ECE1: variants seen among roughly 807,000 people sequenced by gnomAD.
ECE1 encodes the protein endothelin-converting enzyme 1.
In ECE1, 35 loss-of-function variants were observed where a neutral mutation model predicts 98.6. That is an observed-to-expected ratio of 0.35 (90% confidence interval 0.27 to 0.47). The LOEUF is 0.47. Among genes scored for constraint, ECE1 ranks in the 20% least tolerant of loss-of-function variants. ECE1 has a pLI of 1.00. For synonymous variants in ECE1, 394 were observed against 407.1 expected (o/e 0.97, Z 0.39); for missense variants, 814 against 1,025.3 (o/e 0.79, Z 2.81).
At chr1:21,298,226 G>C (rs1638411782) in intron 1 of ECE1, 1 of 165,456 alleles carries the variant, frequency 6.0e-6, no homozygotes, top group East Asian at 1.6e-4. Flanking sequence ...GGCCTGGCTT[G>C]CTAAACCCTC....
chr1:21,310,171 G>A (rs1242567676), intron 1 of ECE1, among the ~76,000 whole-genome samples: 1 of 152,166 alleles, frequency 6.6e-6, no homozygotes, highest in African/African-American at 2.4e-5. Context: ...CATCAGGCAG[G>A]AGACGATCCA....
At chr1:21,332,707 TGAGGGAGGGGAGGGGAGGGGAGGGGAGGG>T (rs1306362390) in intron 1 of ECE1, among the ~76,000 whole-genome samples, 1 of 7,480 alleles carries the variant, frequency 1.3e-4, no homozygotes, top group Non-Finnish European at 2.2e-4. Context: ...GGAGAGGAGG[TGAGGGAGGGGAGGGGAGGGGAGGGGAGGG>T]GAGGGGAGGG....
At chr1:21,246,762 TC>T (rs2098204222) in intron 9 of ECE1, among the ~76,000 whole-genome samples, 1 of 152,104 alleles carries the variant, frequency 6.6e-6, no homozygotes, top group African/African-American at 2.4e-5. Context: ...GCTCAAGAGA[TC>T]CTTCCACTTC....
chr1:21,319,024 C>T lies in ECE1; in HGVS notation c.3+26352G>A, dbSNP rs1365697482. ...AGCTGGGTCTGTACAATCTCCCGGG[C>T]TCCGTTTTCTCATCAGCTAAGTCAA... is the stretch of plus-strand genomic sequence containing the variant. On this transcript the variant is annotated intron_variant, in intron 1 of 18. Coordinates refer to the ECE1 transcript ENST00000415912. This position sits in a 1 kb window ranked among gnomAD's most constrained non-coding sequence, Gnocchi z 4.4. Among the ~76,000 whole-genome samples the T allele has an allele frequency of 6.6e-6, 1 of 152,172 alleles. No individual in the cohort carries two copies. Among genetic ancestry groups the T allele is most frequent in the African/African-American group, 2.4e-5 (1 of 41,444 alleles).
chr1:21,315,655 G>A (rs926943486), intron 1 of ECE1, among the ~76,000 whole-genome samples: 17 of 152,144 alleles, frequency 1.1e-4, no homozygotes, highest in African/African-American at 4.1e-4. Context: ...TTAGACAGGT[G>A]TGGTAGCGCA....
chr1:21,307,978 C>T lies in ECE1; in HGVS notation c.4-17822G>A, dbSNP rs1305973113. Among the ~76,000 whole-genome samples the T allele has an allele frequency of 6.6e-6, 1 of 152,146 alleles. No individual in the cohort carries two copies. Among genetic ancestry groups the T allele is most frequent in the Non-Finnish European group, 1.5e-5 (1 of 68,024 alleles). On this transcript the variant is annotated intron_variant, in intron 1 of 18. Transcript: ENST00000415912. This position sits in a 1 kb window ranked among gnomAD's most constrained non-coding sequence, Gnocchi z 4.2. ...ATGGGTCACACGCCTTCTGGATCCC[C>T]CCAGAAGGTCTAGAATGGGGTCACC...
chr1:21,277,371 G>A (rs1044849683), intron 3 of ECE1, among the ~76,000 whole-genome samples: 2 of 152,226 alleles, frequency 1.3e-5, no homozygotes, highest in Admixed American at 6.5e-5. Flanking sequence ...TTGGAGCTCC[G>A]AGGGGCAGTC....
At chr1:21,278,327 G>A (rs1365259567) in intron 3 of ECE1, among the ~76,000 whole-genome samples, 1 of 152,226 alleles carries the variant, frequency 6.6e-6, no homozygotes, top group Non-Finnish European at 1.5e-5. Flanking sequence ...GTTGGAAACA[G>A]AGAACCAGTC....
chr1:21,335,623 A>G (rs982991012), intron 1 of ECE1, among the ~76,000 whole-genome samples: 1 of 152,214 alleles, frequency 6.6e-6, no homozygotes, highest in Non-Finnish European at 1.5e-5. Flanking sequence ...GCTCTCACCC[A>G]GGGTGGACAG....
rs370242157 is a variant in ECE1 at position 21,272,844 on chromosome 1, G to A, written c.348C>T (p.Asp116=). ...AGTCATGGCAGGGGTCCACTGTGGG[G>A]TCCATGGAGCTCAAGATGGAGCTGG... ...SVTSSILSSM[D]PTVDPCHDFF... Residue 116 remains aspartate, a synonymous_variant, in exon 4 of 19, where the codon GAC becomes GAT. Transcript: ENST00000374893. The A allele has an allele frequency of 4.6e-5, 74 of 1,614,144 alleles. No homozygotes were observed. Among genetic ancestry groups the A allele is most frequent in the Non-Finnish European group, 6.2e-5 (73 of 1,180,060 alleles).
At chr1:21,290,572 C>CG (rs1240513905), upstream of ECE1, 3 of 1,195,136 alleles carry the variant, frequency 2.5e-6, no homozygotes, top group Non-Finnish European at 3.1e-6. The surrounding 1 kb of genome is among the most constrained non-coding windows in gnomAD (Gnocchi z 7.3). Flanking sequence ...CCGAGAGGCC[C>CG]GGGGGAGATG....
chr1:21,266,868 G>T (rs1424128395), intron 4 of ECE1: 1 of 152,240 alleles, frequency 6.6e-6, no homozygotes, highest in Non-Finnish European at 1.5e-5. Context: ...AAAACCGGAG[G>T]TGAAGCTGAA....
intron 2 of ECE1, among the ~76,000 whole-genome samples, chr1:21,285,227 G>A (rs932446815): frequency 6.6e-6 from 1 of 152,156 alleles, no homozygotes; most frequent in Non-Finnish European, 1.5e-5. Context: ...AAGAATCAAA[G>A]GCTAATATTT....
intron 1 of ECE1, among the ~76,000 whole-genome samples, chr1:21,310,445 G>A (rs1198809153): frequency 2.6e-5 from 4 of 152,190 alleles, no homozygotes; most frequent in Non-Finnish European, 4.4e-5. Context: ...TAGTAGAGGT[G>A]GGGCCTGATG....
intron 4 of ECE1, among the ~76,000 whole-genome samples, chr1:21,271,667 C>T (rs3026867): frequency 0.027 from 4,175 of 152,102 alleles, 103 homozygotes; most frequent in Non-Finnish European, 0.04. Context: ...TGATTTCACA[C>T]TGGGGGAGGA....
intron 1 of ECE1, among the ~76,000 whole-genome samples, chr1:21,330,710 TA>T (rs1436588148): frequency 6.6e-6 from 1 of 152,162 alleles, no homozygotes; most frequent in East Asian, 1.9e-4. Context: ...CTCTCCCCAT[TA>T]AATGCTTCCT....
Position 21,254,322 on chromosome 1 carries a change from G to A in ECE1, c.1020+1625C>T, listed in dbSNP as rs530399604. ...AGAGGCTGTTTGGCCAGGCGTGGTG[G>A]CTCATGCTTATAATCCCAGCACTTA... On this transcript the variant is annotated intron_variant, in intron 8 of 18. Transcript: ENST00000374893. Among the ~76,000 whole-genome samples the A allele has an allele frequency of 2.6e-5, 4 of 152,230 alleles. No homozygotes were observed. In the East Asian group the frequency reaches 5.8e-4, roughly 22 times the overall value.
intron 17 of ECE1, among the ~76,000 whole-genome samples, chr1:21,224,200 A>G (rs2098170906): frequency 6.6e-6 from 1 of 152,114 alleles, no homozygotes; most frequent in Admixed American, 6.6e-5. Context: ...CAAATGTCAT[A>G]ACCCCAGAGA....
At chr1:21,323,233 CT>C in intron 1 of ECE1, among the ~76,000 whole-genome samples, 1 of 152,236 alleles carries the variant, frequency 6.6e-6, no homozygotes, top group Non-Finnish European at 1.5e-5. Context: ...ATAAGCTGAC[CT>C]TGAGGGCGTA....
Sources: allele counts gnomAD v4.1 joint callset (sites outside exome capture counted in the v4.1 genomes callset), GRCh38; gene constraint gnomAD v4.1.1; non-coding constraint Gnocchi (gnomAD v3.1); transcripts MANE v1.5; gene names NCBI Gene and HGNC (gene_info 2026-07-23, HGNC 2026-07-21).